Variants in CAMK2G observed in about 807,000 individuals in gnomAD.
The protein encoded by CAMK2G is calcium/calmodulin dependent protein kinase II gamma, also known as calcium/calmodulin-dependent protein kinase type II subunit gamma.
A neutral mutation model predicts 88.7 loss-of-function variants in CAMK2G; 23 were observed. The observed-to-expected ratio is 0.26, with a 90% CI of 0.19 to 0.37. CAMK2G has a LOEUF of 0.37. CAMK2G is among the 10% of genes least tolerant of loss of function. CAMK2G has a pLI of 1.00. For synonymous variants in CAMK2G, 263 were observed against 294.8 expected, an observed-to-expected ratio of 0.89 and a Z score of 1.11; for missense variants, 476 against 780.8, an observed-to-expected ratio of 0.61 and a Z score of 4.65.
rs1243359718 is a variant in CAMK2G, at chr10:73,815,218, T to TA, written c.1563dup (p.Thr522TyrfsTer93). The TA allele has an allele frequency of 6.2e-7, 1 of 1,614,182 alleles. No individual in the cohort carries two copies. Among genetic ancestry groups the TA allele is most frequent in the African/African-American group, 1.3e-5 (1 of 75,064 alleles). On this transcript the variant is annotated frameshift_variant, in exon 22 of 23. Coordinates refer to ENST00000423381, the MANE Select transcript of CAMK2G (RefSeq NM_001367534.1). LOFTEE classifies it high-confidence loss of function. ...TGGACGTGTGGGTTTAGGATGGTGG[T>TA]ATGGATAGGCTTGCTGTTCTTGGAC...
Position 73,842,408 on chromosome 10 carries a change from G to T in CAMK2G, c.903+50C>A. On this transcript the variant is annotated intron_variant, in intron 11 of 22. Coordinates refer to ENST00000423381, the MANE Select transcript of CAMK2G (RefSeq NM_001367534.1). This position sits in a 1 kb window ranked among gnomAD's most constrained non-coding sequence, Gnocchi z 4.6. ...TCTGAAATGGGGCAGGAGCCACACT[G>T]GTGCAAGGCATGATGTCAAGGAGGC... 7.2e-7 allele frequency: 1 copy of T among 1,385,958 alleles called. No individual in the cohort carries two copies. Among genetic ancestry groups the T allele is most frequent in the Non-Finnish European group, 1.0e-6 (1 of 971,782 alleles). 85.9% of individuals were successfully genotyped at this position (1,385,958 alleles called of 1,614,324 possible).
At chr10:73,854,106 C>G (rs1157426713) in intron 3 of CAMK2G, among the ~76,000 whole-genome samples, 1 of 152,178 alleles carries the variant, frequency 6.6e-6, no homozygotes, top group African/African-American at 2.4e-5. Flanking sequence ...AGACTGTGGT[C>G]TACACCACTG....
Position 73,853,098 on chromosome 10 carries a change from G to A in CAMK2G, c.275+94C>T, listed in dbSNP as rs761468468. On this transcript the variant is annotated intron_variant, in intron 4 of 22. Transcript: ENST00000423381. ...TCGGACAAAGGAGGGGGCCCTGGGCGGAGGCTGGAGAGCCTGTTTAGGCCT... is the reference window on the plus strand; with the variant it reads ...TCGGACAAAGGAGGGGGCCCTGGGCAGAGGCTGGAGAGCCTGTTTAGGCCT... The A allele has an allele frequency of 6.5e-5, 76 of 1,165,528 alleles. 1 individual carries two copies. The highest frequency in any genetic ancestry group is 4.0e-4 in the Middle Eastern group (2 of 5,024). The allele number at this position is 1,165,528 out of a possible 1,614,324, so 72.2% of individuals were successfully genotyped here. A position where few individuals can be genotyped will look rare whatever the true frequency, so the allele number is the denominator to read the frequency against.
intron 10 of CAMK2G, chr10:73,846,788 C>T: frequency 6.1e-6 from 1 of 163,174 alleles, no homozygotes. Flanking sequence ...AGCTTTATGC[C>T]TCAGCTTTTA....
chr10:73,860,024 G>T (rs1315788778), intron 3 of CAMK2G, among the ~76,000 whole-genome samples: 1 of 152,244 alleles, frequency 6.6e-6, no homozygotes, highest in African/African-American at 2.4e-5. Context: ...GGGCTTTCAG[G>T]GAAAACCTAG....
intron 18 of CAMK2G, among the ~76,000 whole-genome samples, chr10:73,821,061 C>G (rs573576163): frequency 6.6e-6 from 1 of 151,880 alleles, no homozygotes; most frequent in Non-Finnish European, 1.5e-5. Context: ...CCACTTGCCT[C>G]GGCCTCCCAA....
intron 3 of CAMK2G, among the ~76,000 whole-genome samples, chr10:73,858,580 C>G (rs1457321894): frequency 6.6e-6 from 1 of 152,168 alleles, no homozygotes. Flanking sequence ...CTCGGACCAA[C>G]CTCCTTAGGA....
chr10:73,834,548 CT>C (rs1316960088), intron 14 of CAMK2G, among the ~76,000 whole-genome samples: 1 of 152,208 alleles, frequency 6.6e-6, no homozygotes, highest in Non-Finnish European at 1.5e-5. Flanking sequence ...GCACATTTCT[CT>C]TTTCCCCCTA....
chr10:73,823,248 C>A (rs568834029), intron 17 of CAMK2G, among the ~76,000 whole-genome samples: 16 of 152,206 alleles, frequency 1.1e-4, no homozygotes, highest in African/African-American at 3.9e-4. Flanking sequence ...TTAAGTCTCA[C>A]TGCGTAGCCC....
intron 4 of CAMK2G, 81 bp downstream of exon 4, chr10:73,853,111 C>G: frequency 7.6e-7 from 1 of 1,310,936 alleles, no homozygotes; most frequent in Non-Finnish European, 1.1e-6. Flanking sequence ...GGCTGGAGAG[C>G]CTGTTTAGGC....
intron 3 of CAMK2G, among the ~76,000 whole-genome samples, chr10:73,855,636 C>T (rs1378458755): frequency 1.3e-5 from 2 of 152,178 alleles, no homozygotes; most frequent in Non-Finnish European, 2.9e-5. Context: ...GAGTCATTGG[C>T]GTCTGCCCTT....
Position 73,860,711 on chromosome 10 carries a change from A to G in CAMK2G, c.220+119T>C. On this transcript the variant is annotated intron_variant, in intron 3 of 22. Coordinates refer to ENST00000423381, the MANE Select transcript of CAMK2G (RefSeq NM_001367534.1). Reference sequence around the variant, plus strand: ...ACACAGTTGCTATCCTGCTCATGTAAAAACAGACACCAGGTGAAGGTCCAC... The same window carrying G: ...ACACAGTTGCTATCCTGCTCATGTAGAAACAGACACCAGGTGAAGGTCCAC... 1.4e-5 allele frequency: 11 copies of G among 780,854 alleles called. No homozygotes were observed. The South Asian group carries it at 1.7e-4, about 12-fold the overall frequency. The allele number at this position is 780,854 out of a possible 1,614,324, so 48.4% of individuals were successfully genotyped here.
At position 73,842,271 on chromosome 10, in the gene CAMK2G, T is replaced by A. The variant is rs2093852813; in HGVS notation, c.904-60A>T. ...GACCCTAGAAAAGGGCAGGCTGGTC[T>A]CAGGCAAAGGCAGGTCCTGGCTAGA... On this transcript the variant is annotated intron_variant, in intron 11 of 22. Transcript: ENST00000423381. This position sits in a 1 kb window ranked among gnomAD's most constrained non-coding sequence, Gnocchi z 4.6. 4.2e-6 allele frequency: 6 copies of A among 1,442,786 alleles called. 1 individual carries two copies. Among genetic ancestry groups the A allele is most frequent in the Admixed American group, 3.3e-5 (2 of 59,802 alleles). The allele number at this position is 1,442,786 out of a possible 1,614,324, so 89.4% of individuals were successfully genotyped here.
At chr10:73,837,651 C>T in intron 13 of CAMK2G, 140 bp from the exon 14 acceptor site, 1 of 752,588 alleles carries the variant, frequency 1.3e-6, no homozygotes, top group Non-Finnish European at 2.5e-6. Context: ...AGAGGCACTT[C>T]CTATAGCCTC....
In CAMK2G at chr10:73,814,496, C is replaced by T. The variant is rs1400930366; in HGVS notation, c.*22G>A. On this transcript the variant is annotated 3_prime_UTR_variant, in exon 23 of 23. Coordinates refer to ENST00000423381, the MANE Select transcript of CAMK2G (RefSeq NM_001367534.1). ...AAGGTTGGACCTCCGGCTGGAATCTCCTAAAGCCCCTGTCAAACAGGACAG... is the reference window on the plus strand; with the variant it reads ...AAGGTTGGACCTCCGGCTGGAATCTTCTAAAGCCCCTGTCAAACAGGACAG... 6.4e-6 allele frequency: 1 copy of T among 155,518 alleles called. No individual in the cohort carries two copies. The highest frequency in any genetic ancestry group is 1.4e-5 in the Non-Finnish European group (1 of 69,614). The allele number at this position is 155,518 out of a possible 1,614,324, so 9.6% of individuals were successfully genotyped here.
intron 1 of CAMK2G, chr10:73,873,420 G>C: frequency 2.5e-6 from 3 of 1,177,312 alleles, no homozygotes; most frequent in Non-Finnish European, 3.2e-6. Flanking sequence ...CTGCGGTCCC[G>C]GCCAAGAGAA....
chr10:73,825,740 C>T (rs188190933), intron 15 of CAMK2G, among the ~76,000 whole-genome samples: 3 of 152,342 alleles, frequency 2.0e-5, no homozygotes, highest in African/African-American at 7.2e-5. Flanking sequence ...ACTCTGGTCC[C>T]CTATCTGTGG....
chr10:73,815,359 T>G, intron 21 of CAMK2G, 112 bp from the exon 22 acceptor site: 1 of 712,350 alleles, frequency 1.4e-6, no homozygotes, highest in Non-Finnish European at 2.4e-6. Context: ...TCCCAGAATC[T>G]CCAAGTACCG....
chr10:73,835,660 G>A (rs573597805), intron 14 of CAMK2G, among the ~76,000 whole-genome samples: 3 of 152,068 alleles, frequency 2.0e-5, no homozygotes, highest in African/African-American at 7.2e-5. Context: ...ATTTCCCATG[G>A]TCTGACACAG....
Sources: gnomAD v4.1 joint callset for allele counts (sites outside exome capture counted in the v4.1 genomes callset) on GRCh38, gnomAD v4.1.1 for gene constraint, Gnocchi (gnomAD v3.1) non-coding constraint, MANE v1.5 for transcripts, NCBI Gene and HGNC (gene_info 2026-07-23, HGNC 2026-07-21) for gene names.